CYTH3: variants seen among roughly 807,000 people sequenced by gnomAD.
CYTH3 encodes cytohesin-3.
Under a neutral mutation model 55.1 loss-of-function variants are expected in CYTH3, and 23 were observed. The observed-to-expected ratio is 0.42, with a 90% confidence interval of 0.30 to 0.59. CYTH3 has a LOEUF of 0.59. CYTH3 is among the 20% of genes least tolerant of loss of function. The pLI, the probability that CYTH3 is intolerant of heterozygous loss-of-function variation, is 0.20. For missense variants in CYTH3, 413 were observed against 524.8 expected (o/e 0.79, Z 2.08); for synonymous variants, 249 against 194.9 (o/e 1.28, Z -2.31).
intron 1 of CYTH3, among the ~76,000 whole-genome samples, chr7:6,236,501 C>A (rs746980087): frequency 4.6e-5 from 7 of 151,826 alleles, no homozygotes; most frequent in Non-Finnish European, 8.8e-5. Context: ...TAAGCCACTG[C>A]GCCTGGCCTG....
chr7:6,178,290 A>G (rs528939923), intron 4 of CYTH3, among the ~76,000 whole-genome samples: 1 of 152,336 alleles, frequency 6.6e-6, no homozygotes, highest in African/African-American at 2.4e-5. Flanking sequence ...CTGCGAGGAA[A>G]ACTTTGTGGG....
intron 5 of CYTH3, among the ~76,000 whole-genome samples, chr7:6,175,959 T>C (rs1185646528): frequency 1.3e-5 from 2 of 152,220 alleles, no homozygotes; most frequent in Non-Finnish European, 2.9e-5. Flanking sequence ...GTGCAACTTC[T>C]GCAAAGAAGT....
At chr7:6,233,637 C>T (rs1779441895) in intron 1 of CYTH3, among the ~76,000 whole-genome samples, 1 of 140,162 alleles carries the variant, frequency 7.1e-6, no homozygotes, top group South Asian at 2.2e-4. Flanking sequence ...GCCTGGGTGA[C>T]AGAGCGAGAC....
At chr7:6,179,785 TACCACACACACCC>T (rs1453697652) in intron 4 of CYTH3, among the ~76,000 whole-genome samples, 3 of 36,290 alleles carry the variant, frequency 8.3e-5, no homozygotes, top group Admixed American at 3.5e-4. Context: ...ACACACCACC[TACCACACACACCC>T]ACCACACACA....
At chr7:6,257,718 T>C (rs968306910) in intron 1 of CYTH3, among the ~76,000 whole-genome samples, 3 of 152,246 alleles carry the variant, frequency 2.0e-5, no homozygotes, top group Non-Finnish European at 2.9e-5. Context: ...ACTGAATGAA[T>C]GACAGAATGA....
Position 6,165,310 on chromosome 7 carries a change from TC to T in CYTH3, c.1089del (p.Ser364AlafsTer9). On this transcript the variant is annotated frameshift_variant, in exon 12 of 13. Transcript: ENST00000350796. LOFTEE classifies it high-confidence loss of function. ...ATCCACTCCTCCTTCTCCTCCGGGC[TC>T]GGGGCTGAGATCCGGTACACCACAT... ...GNHVVYRISA[P>X]SPEEKEEWMK... 6.2e-7 allele frequency: 1 copy of T among 1,613,950 alleles called. No individual in the cohort carries two copies. Among genetic ancestry groups the T allele is most frequent in the Non-Finnish European group, 8.5e-7 (1 of 1,179,968 alleles).
chr7:6,164,698 G>C lies in CYTH3; in HGVS notation c.*246C>G. The C allele has an allele frequency of 3.6e-6, 2 of 561,024 alleles. No homozygotes were observed. Among genetic ancestry groups the C allele is most frequent in the Non-Finnish European group, 6.3e-6 (2 of 315,806 alleles). The allele number at this position is 561,024 out of a possible 1,614,324, so 34.8% of individuals were successfully genotyped here. On this transcript the variant is annotated 3_prime_UTR_variant, in exon 13 of 13. Transcript: ENST00000350796. Reference sequence around the variant, plus strand: ...ACCATGACCCCAGCCACGGCAGGAGGCCTCGAGGATCAGTCTGGGCCACGG... The same window carrying C: ...ACCATGACCCCAGCCACGGCAGGAGCCCTCGAGGATCAGTCTGGGCCACGG...
Position 6,220,526 on chromosome 7 carries a change from G to A in CYTH3, c.35-29995C>T, listed in dbSNP as rs2128551285. 2.8e-5 allele frequency among the ~76,000 whole-genome samples: 4 copies of A among 143,490 alleles called. No homozygotes were observed. In the South Asian group the frequency reaches 9.1e-4, roughly 33 times the overall value. 94.1% of individuals were successfully genotyped at this position (143,490 alleles called of 152,430 possible). On this transcript the variant is annotated intron_variant, in intron 1 of 12. Coordinates refer to ENST00000350796, the MANE Select transcript of CYTH3 (RefSeq NM_004227.4). Reference sequence around the variant, plus strand: ...CTTTTGCTCTGCAAAGCATTAAAAGGATGAAGAGAAGCTACAGACTGGGAG... The same window carrying A: ...CTTTTGCTCTGCAAAGCATTAAAAGAATGAAGAGAAGCTACAGACTGGGAG...
At chr7:6,182,324 A>G (rs1390272994) in intron 4 of CYTH3, among the ~76,000 whole-genome samples, 1 of 152,198 alleles carries the variant, frequency 6.6e-6, no homozygotes, top group East Asian at 1.9e-4. Flanking sequence ...TGCTCGGATT[A>G]CAGGCGTGAG....
At chr7:6,179,612 ACACACACACACCCCCCACATACACCT>A (rs1783427090) in intron 4 of CYTH3, among the ~76,000 whole-genome samples, 5 of 105,152 alleles carry the variant, frequency 4.8e-5, no homozygotes, top group East Asian at 2.5e-4. Flanking sequence ...ACCACACACC[ACACACACACACCCCCCACATACACCT>A]CACACACCCC....
In CYTH3 at chr7:6,170,850, G is replaced by A. The variant is rs773890198; in HGVS notation, c.691C>T (p.Leu231Phe). The change falls in exon 8 of 13, where the codon CTC becomes TTC. Residue 231 changes from leucine to phenylalanine, a missense_variant. Around this residue, in one of 4 missense-constraint regions of CYTH3, gnomAD observed 156 missense variants for 233.1 expected, o/e 0.67. Coordinates refer to ENST00000350796, the MANE Select transcript of CYTH3 (RefSeq NM_004227.4). This position sits in a 1 kb window ranked among gnomAD's most constrained non-coding sequence, Gnocchi z 7.8. ...MNRGINEGGD[L>F]PEELLRNLYE... is the part of the protein sequence containing the mutation. ...CTCACCCTCAGCAGCTCCTCAGGGA[G>A]GTCCCCGCCCTCGTTGATGCCGCGG... is the stretch of plus-strand genomic sequence containing the variant. 1 of 1,612,596 alleles carries A rather than the reference G, an allele frequency of 6.2e-7. No homozygotes were observed. Among genetic ancestry groups the A allele is most frequent in the South Asian group, 1.1e-5 (1 of 90,956 alleles).
In CYTH3 at chr7:6,169,948, CG is replaced by C. The variant is rs947752156; in HGVS notation, c.823+586del. The C allele has an allele frequency of 6.4e-6, 1 of 155,158 alleles. No homozygotes were observed. The highest frequency in any genetic ancestry group is 1.4e-5 in the Non-Finnish European group (1 of 69,910). The allele number at this position is 155,158 out of a possible 1,614,324, so 9.6% of individuals were successfully genotyped here. On this transcript the variant is annotated intron_variant, in intron 9 of 12. Coordinates refer to ENST00000350796, the MANE Select transcript of CYTH3 (RefSeq NM_004227.4). The surrounding 1 kb of genome is among the most constrained non-coding windows in gnomAD (Gnocchi z 4.1). ...GGTGTAGCATTCACCACACCGTGCA[CG>C]GCGCAGCCCCAGCAAGTCCACAGAT... is the stretch of plus-strand genomic sequence containing the variant.
chr7:6,266,155 C>CAAGTCCTCCCTTCTCCT (rs1200079125), intron 1 of CYTH3, among the ~76,000 whole-genome samples: 2 of 152,108 alleles, frequency 1.3e-5, no homozygotes, highest in African/African-American at 4.8e-5. Context: ...TCCCTTCTCC[C>CAAGTCCTCCCTTCTCCT]AAGTCCTCCC....
chr7:6,166,426 T>G (rs1423769643), intron 9 of CYTH3, among the ~76,000 whole-genome samples: 1 of 152,038 alleles, frequency 6.6e-6, no homozygotes, highest in Non-Finnish European at 1.5e-5. Flanking sequence ...TTCAAAGAAA[T>G]ACACGCTGGT....
At position 6,170,479 on chromosome 7, in the gene CYTH3, GGCT is replaced by G; in HGVS notation, c.823+53_823+55del. The stretch of plus-strand genomic sequence containing the variant: ...CGATGAGCCTGGGAGGAACCCGAGG[GGCT>G]GCTGCCATGGGCAGAGGGGTCACGC... On this transcript the variant is annotated intron_variant, in intron 9 of 12. Coordinates refer to ENST00000350796, the MANE Select transcript of CYTH3 (RefSeq NM_004227.4). This position sits in a 1 kb window ranked among gnomAD's most constrained non-coding sequence, Gnocchi z 7.8. The G allele has an allele frequency of 6.6e-7, 1 of 1,518,162 alleles. No individual in the cohort carries two copies. Among genetic ancestry groups the G allele is most frequent in the South Asian group, 1.2e-5 (1 of 85,700 alleles). The allele number at this position is 1,518,162 out of a possible 1,614,324, so 94.0% of individuals were successfully genotyped here.
chr7:6,271,332 T>C (rs1432938756), intron 1 of CYTH3, among the ~76,000 whole-genome samples: 1 of 152,216 alleles, frequency 6.6e-6, no homozygotes, highest in Non-Finnish European at 1.5e-5. Context: ...ACCTTGATGA[T>C]GAACCACTTC....
chr7:6,170,807 C>A lies in CYTH3; in HGVS notation c.711+23G>T. 6.3e-7 allele frequency: 1 copy of A among 1,598,996 alleles called. No homozygotes were observed. Among genetic ancestry groups the A allele is most frequent in the South Asian group, 1.1e-5 (1 of 89,788 alleles). Reference sequence around the variant, plus strand: ...AGCGAAGAGATCCTGCAGACGGCAGCGGCCGCGGGCCGGGGAGCTCACCCT... The same window carrying A: ...AGCGAAGAGATCCTGCAGACGGCAGAGGCCGCGGGCCGGGGAGCTCACCCT... On this transcript the variant is annotated intron_variant, in intron 8 of 12. Coordinates refer to ENST00000350796, the MANE Select transcript of CYTH3 (RefSeq NM_004227.4). This position sits in a 1 kb window ranked among gnomAD's most constrained non-coding sequence, Gnocchi z 7.8.
chr7:6,198,306 C>CAATATCACTCAGGA (rs1188341212), intron 1 of CYTH3, among the ~76,000 whole-genome samples: 3 of 152,090 alleles, frequency 2.0e-5, no homozygotes, highest in South Asian at 2.1e-4. Context: ...CCTTGCTGTC[C>CAATATCACTCAGGA]TATTGTGTCT....
intron 1 of CYTH3, among the ~76,000 whole-genome samples, chr7:6,267,677 C>A (rs749395857): frequency 2.6e-5 from 4 of 152,182 alleles, no homozygotes; most frequent in Non-Finnish European, 4.4e-5. Flanking sequence ...GTGCGCATCA[C>A]TATGCCCGGC....
Sources: allele counts gnomAD v4.1 joint callset (sites outside exome capture counted in the v4.1 genomes callset), GRCh38; gene constraint gnomAD v4.1.1; regional missense constraint gnomAD v4.1.1; non-coding constraint Gnocchi (gnomAD v3.1); transcripts MANE v1.5; gene names NCBI Gene and HGNC (gene_info 2026-07-23, HGNC 2026-07-21).